Variants in NAV1 observed in about 807,000 individuals in gnomAD.
NAV1 encodes the protein neuron navigator 1, also known as pore membrane and/or filament interacting like protein 3.
Under a neutral mutation model 175.2 loss-of-function variants are expected in NAV1, and 18 were observed. That is an observed-to-expected ratio of 0.10 (90% CI 0.07 to 0.15). The LOEUF is 0.15. Ranked by LOEUF, NAV1 falls within the 10% of genes least tolerant of loss-of-function variation. The pLI, the probability that NAV1 is intolerant of heterozygous loss-of-function variation, is 1.00. For synonymous variants in NAV1, 897 were observed against 978.7 expected (o/e 0.92, Z 1.56); for missense variants, 1,731 against 2,436.6 (o/e 0.71, Z 6.10).
rs1324334026 is a variant in NAV1 at position 201,588,571 on chromosome 1, C to A, written c.-111C>A. Reference sequence around the variant, plus strand: ...GTCTTGCTATGTTGCCCGGGCTGGTCTGAACTCCTAGCCTCAAGTGATCCT... The same window carrying A: ...GTCTTGCTATGTTGCCCGGGCTGGTATGAACTCCTAGCCTCAAGTGATCCT... On this transcript the variant is annotated 5_prime_UTR_variant, in exon 2 of 34. The change creates a new upstream start codon in the 5' untranslated region. Coordinates refer to the NAV1 transcript ENST00000685211. 6.9e-6 allele frequency among the ~76,000 whole-genome samples: 1 copy of A among 144,712 alleles called. No homozygotes were observed. The highest frequency in any genetic ancestry group is 1.5e-5 in the Non-Finnish European group (1 of 66,916). The allele number at this position is 144,712 out of a possible 152,430, so 94.9% of individuals were successfully genotyped here. A position where few individuals can be genotyped will look rare whatever the true frequency, so the allele number is the denominator to read the frequency against.
At chr1:201,608,383 A>AC (rs149400963) in intron 2 of NAV1, among the ~76,000 whole-genome samples, 1,919 of 152,174 alleles carry the variant, frequency 0.013, 39 homozygotes, top group African/African-American at 0.043. Context: ...ATGCCAGTGG[A>AC]CCCCACCTCA....
intron 1 of NAV1, among the ~76,000 whole-genome samples, chr1:201,708,586 C>T (rs1458912025): frequency 3.3e-5 from 5 of 152,106 alleles, no homozygotes; most frequent in South Asian, 2.1e-4. Context: ...TGAAGGAGAA[C>T]GCTGTACTCT....
At chr1:201,748,303 A>G (rs891667904) in intron 3 of NAV1, among the ~76,000 whole-genome samples, 26 of 152,146 alleles carry the variant, frequency 1.7e-4, no homozygotes, top group Admixed American at 1.5e-3. Context: ...TTATGGGTGC[A>G]TCTCATGTTT....
At chr1:201,591,415 C>A (rs928673620) in intron 2 of NAV1, among the ~76,000 whole-genome samples, 1 of 152,142 alleles carries the variant, frequency 6.6e-6, no homozygotes. Context: ...ACACAACCTC[C>A]CCGAGTCAGG....
intron 17 of NAV1, among the ~76,000 whole-genome samples, chr1:201,805,402 A>G (rs1002816460): frequency 4.6e-5 from 7 of 152,290 alleles, no homozygotes; most frequent in African/African-American, 9.6e-5. Context: ...CTGAGATGCA[A>G]TTGTGATGGG....
Position 201,574,192 on chromosome 1 carries a change from A to G in NAV1, c.-143-14347A>G, listed in dbSNP as rs139730149. On this transcript the variant is annotated intron_variant, in intron 1 of 33. Transcript: ENST00000685211. ...CAAGAAGTGACCTCAGCCTCAGGAC[A>G]CTCACCATGTAGTAAGGGAGAAAAG... 1.2e-4 allele frequency among the ~76,000 whole-genome samples: 19 copies of G among 152,316 alleles called. No homozygotes were observed. The East Asian group carries it at 3.7e-3, about 29-fold the overall frequency.
intron 3 of NAV1, among the ~76,000 whole-genome samples, chr1:201,756,328 C>T (rs1392756618): frequency 2.6e-5 from 4 of 152,080 alleles, no homozygotes; most frequent in South Asian, 2.1e-4. Context: ...TAGTCTGTAG[C>T]GCTATAATCA....
intron 1 of NAV1, among the ~76,000 whole-genome samples, chr1:201,693,428 T>C (rs371222730): frequency 1.3e-5 from 2 of 152,310 alleles, no homozygotes; most frequent in Non-Finnish European, 1.5e-5. Context: ...CAGCATTTCC[T>C]GGGCAGCTGC....
chr1:201,633,376 C>T (rs917997761), intron 2 of NAV1, among the ~76,000 whole-genome samples: 1 of 152,196 alleles, frequency 6.6e-6, no homozygotes, highest in Non-Finnish European at 1.5e-5. Flanking sequence ...ATAGGAAACT[C>T]AGGCTCAGAA....
At chr1:201,631,499 A>G (rs769198564) in intron 2 of NAV1, among the ~76,000 whole-genome samples, 9 of 152,232 alleles carry the variant, frequency 5.9e-5, no homozygotes, top group Non-Finnish European at 1.2e-4. Flanking sequence ...ACACTGGGGT[A>G]AAAGACAAAT....
In NAV1 at chr1:201,747,009, T is replaced by G. The variant is rs531479147; in HGVS notation, c.1226+28254T>G. Among the ~76,000 whole-genome samples the G allele has an allele frequency of 6.7e-5, 9 of 134,430 alleles. No individual in the cohort carries two copies. In the South Asian group the frequency reaches 9.0e-4, roughly 13 times the overall value. 88.2% of individuals were successfully genotyped at this position (134,430 alleles called of 152,430 possible). A position where few individuals can be genotyped will look rare whatever the true frequency, so the allele number is the denominator to read the frequency against. On this transcript the variant is annotated intron_variant, in intron 3 of 29. Coordinates refer to ENST00000367296, the Ensembl canonical transcript of NAV1. ...ACCCTGTCTCAAAAAAAAAAAAAAA[T>G]GAAGAAATTTGGAGACACTATTCAG... is the stretch of plus-strand genomic sequence containing the variant.
In NAV1 at chr1:201,783,277, G is replaced by T. The variant is rs191982504; in HGVS notation, c.2358-129G>T. ...TTTCCTTGCATTGTATTTCACAACA[G>T]CATTAGGATAAGCCTCTGTGCTTAG... On this transcript the variant is annotated intron_variant, in intron 6 of 29. Coordinates refer to ENST00000367296, the Ensembl canonical transcript of NAV1. The T allele has an allele frequency of 1.3e-3, 1,221 of 955,952 alleles. 5 individuals are homozygous for T. Among genetic ancestry groups the T allele is most frequent in the South Asian group, 1.6e-3 (99 of 62,932 alleles). 59.2% of individuals were successfully genotyped at this position (955,952 alleles called of 1,614,324 possible).
chr1:201,775,727 C>T (rs982837909), intron 3 of NAV1, among the ~76,000 whole-genome samples: 2 of 152,150 alleles, frequency 1.3e-5, no homozygotes, highest in Non-Finnish European at 2.9e-5. Context: ...GAACAGTATG[C>T]TGTTTAAAAT....
intron 15 of NAV1, among the ~76,000 whole-genome samples, chr1:201,802,136 C>CAAAAAAAAAAA (rs771631007): frequency 9.9e-4 from 20 of 20,292 alleles, no homozygotes; most frequent in African/African-American, 1.6e-3. Context: ...GACTCCGTCT[C>CAAAAAAAAAAA]AAAAAAAAAA....
At position 201,740,045 on chromosome 1, in the gene NAV1, A is replaced by G; in HGVS notation, c.1226+21290A>G. On this transcript the variant is annotated intron_variant, in intron 3 of 29. Transcript: ENST00000367296. The surrounding 1 kb of genome is among the most constrained non-coding windows in gnomAD (Gnocchi z 4.7). ...GAAGATGCTTCATCTGCCCCTGCCCAGATCCGGAAGAACGGTGAATTTCCC... is the reference window on the plus strand; with the variant it reads ...GAAGATGCTTCATCTGCCCCTGCCCGGATCCGGAAGAACGGTGAATTTCCC... 1 of 1,501,676 alleles carries G rather than the reference A, an allele frequency of 6.7e-7. No individual in the cohort carries two copies. The allele number at this position is 1,501,676 out of a possible 1,614,324, so 93.0% of individuals were successfully genotyped here.
At chr1:201,826,461 C>T (rs1679679548) in exon 30 of NAV1, 2 of 152,230 alleles carry the variant, frequency 1.3e-5, no homozygotes, top group African/African-American at 4.8e-5. Context: ...CCAACCCCTG[C>T]TAGCTTCCTT....
intron 3 of NAV1, among the ~76,000 whole-genome samples, chr1:201,753,381 T>G (rs1674251604): frequency 6.6e-6 from 1 of 152,198 alleles, no homozygotes; most frequent in African/African-American, 2.4e-5. Flanking sequence ...AGCCCCCATT[T>G]AATTAAATTC....
chr1:201,742,575 C>T (rs1429980950), intron 3 of NAV1, among the ~76,000 whole-genome samples: 2 of 152,118 alleles, frequency 1.3e-5, no homozygotes, highest in Non-Finnish European at 2.9e-5. Flanking sequence ...GTCTTCCAAG[C>T]ATGAAGTCCA....
At chr1:201,552,089 G>T (rs1665871167) in intron 1 of NAV1, among the ~76,000 whole-genome samples, 1 of 152,212 alleles carries the variant, frequency 6.6e-6, no homozygotes, top group African/African-American at 2.4e-5. Flanking sequence ...GTGGGAAGTG[G>T]ATGGGAATGG....
Sources: allele counts gnomAD v4.1 joint callset (sites outside exome capture counted in the v4.1 genomes callset), GRCh38; gene constraint gnomAD v4.1.1; non-coding constraint Gnocchi (gnomAD v3.1); transcripts MANE v1.5; gene names NCBI Gene and HGNC (gene_info 2026-07-23, HGNC 2026-07-21).